SCRG1: variants seen among roughly 807,000 people sequenced by gnomAD.
The protein encoded by SCRG1 is stimulator of chondrogenesis 1, also known as scrapie-responsive protein 1.
A neutral mutation model predicts 7.7 loss-of-function variants in SCRG1; 3 were observed. The ratio of observed to expected loss-of-function variants is 0.39; its 90% CI spans 0.18 to 1.01. The LOEUF is 1.01. SCRG1 is among the 50% of genes least tolerant of loss of function. The pLI is 0.36. For synonymous variants in SCRG1, 46 were observed against 41.2 expected (o/e 1.12, Z -0.44); for missense variants, 110 against 117.2 (o/e 0.94, Z 0.28).
the SCRG1 span, among the ~76,000 whole-genome samples, chr4:173,491,464 C>T: frequency 1.6e-4 from 24 of 152,098 alleles, no homozygotes; most frequent in Admixed American, 7.2e-4. Flanking sequence ...CTGCAGAGAT[C>T]GGTACCATGT....
At chr4:173,419,542 G>A in the SCRG1 span, 175 of 730,306 alleles carry the variant, frequency 2.4e-4, no homozygotes, top group African/African-American at 2.7e-3. Flanking sequence ...TCTGGCCCAT[G>A]ATGTGCTTCC....
At chr4:173,476,359 A>ATATATATATATATAT in the SCRG1 span, among the ~76,000 whole-genome samples, 50 of 24,270 alleles carry the variant, frequency 2.1e-3, no homozygotes, top group East Asian at 0.023. Context: ...AGGGGGAAAA[A>ATATATATATATATAT]AAAAATATAT....
chr4:173,512,100 A>G, the SCRG1 span, among the ~76,000 whole-genome samples: 3 of 152,238 alleles, frequency 2.0e-5, no homozygotes, highest in Non-Finnish European at 2.9e-5. Flanking sequence ...CACATTAATT[A>G]GAGTTATGTG....
At chr4:173,483,651 ATTATATTG>A in the SCRG1 span, among the ~76,000 whole-genome samples, 11 of 26,060 alleles carry the variant, frequency 4.2e-4, no homozygotes, top group African/African-American at 1.1e-3. Flanking sequence ...TATATGATAT[ATTATATTG>A]TGATATATAA....
chr4:173,391,655 G>A (rs1739450009), intron 1 of SCRG1, among the ~76,000 whole-genome samples: 1 of 152,186 alleles, frequency 6.6e-6, no homozygotes, highest in African/African-American at 2.4e-5. Flanking sequence ...TCTGGGCCAG[G>A]CACAGTGGCT....
At chr4:173,391,541 T>C (rs1739445681) in intron 1 of SCRG1, 113 bp from the exon 2 acceptor site, 2 of 1,023,490 alleles carry the variant, frequency 2.0e-6, no homozygotes, top group Admixed American at 2.2e-5. Flanking sequence ...GAATGGGAGT[T>C]GGGCTTTTCT....
upstream of SCRG1, among the ~76,000 whole-genome samples, chr4:173,410,296 T>C (rs1320607156): frequency 1.3e-5 from 2 of 152,188 alleles, no homozygotes; most frequent in Non-Finnish European, 2.9e-5. Flanking sequence ...CAGTGGCTGA[T>C]TGTGTGAGTG....
chr4:173,459,873 T>C, the SCRG1 span, among the ~76,000 whole-genome samples: 3 of 149,078 alleles, frequency 2.0e-5, no homozygotes, highest in Non-Finnish European at 4.5e-5. Flanking sequence ...TAATTTATTG[T>C]AATAGCCAGA....
upstream of SCRG1, among the ~76,000 whole-genome samples, chr4:173,410,283 G>A (rs1287556388): frequency 6.6e-6 from 1 of 152,202 alleles, no homozygotes; most frequent in Non-Finnish European, 1.5e-5. Context: ...CATGTTTAGG[G>A]AACAGTGGCT....
the SCRG1 span, among the ~76,000 whole-genome samples, chr4:173,454,116 C>T: frequency 1.9e-4 from 28 of 148,916 alleles, no homozygotes; most frequent in Non-Finnish European, 1.0e-4. Flanking sequence ...GGAGGCTGTG[C>T]GATCTAGGAA....
the SCRG1 span, among the ~76,000 whole-genome samples, chr4:173,508,320 C>T: frequency 1.3e-5 from 2 of 152,170 alleles, no homozygotes; most frequent in African/African-American, 4.8e-5. This position sits in a 1 kb window ranked among gnomAD's most constrained non-coding sequence, Gnocchi z 4.4. Context: ...GGCGCTTCTG[C>T]AGGAGGTGGA....
At chr4:173,437,916 C>A in the SCRG1 span, among the ~76,000 whole-genome samples, 168 of 152,260 alleles carry the variant, frequency 1.1e-3, 4 homozygotes, top group African/African-American at 3.9e-3. Flanking sequence ...TCACACTGAA[C>A]TTAGCTTTCC....
chr4:173,465,113 G>T, the SCRG1 span, among the ~76,000 whole-genome samples: 3 of 152,280 alleles, frequency 2.0e-5, no homozygotes, highest in East Asian at 5.8e-4. Flanking sequence ...AAGTTATTCT[G>T]AAATGGGTAC....
At chr4:173,451,626 CTTACTTATT>C in the SCRG1 span, among the ~76,000 whole-genome samples, 7,520 of 121,430 alleles carry the variant, frequency 0.062, 330 homozygotes, top group East Asian at 0.1. Flanking sequence ...TTTTATTTTA[CTTACTTATT>C]TTATTTATTT....
upstream of SCRG1, among the ~76,000 whole-genome samples, chr4:173,402,499 C>T (rs1001656410): frequency 6.7e-6 from 1 of 148,804 alleles, no homozygotes; most frequent in Non-Finnish European, 1.5e-5. Context: ...AGAAAAACAC[C>T]AAAAAACAGC....
chr4:173,447,552 T>C, the SCRG1 span, among the ~76,000 whole-genome samples: 1 of 152,242 alleles, frequency 6.6e-6, no homozygotes. Context: ...TGATTAGTTT[T>C]CAGATATCAC....
At chr4:173,420,287 A>G in the SCRG1 span, 1 of 246,326 alleles carries the variant, frequency 4.1e-6, no homozygotes, top group Non-Finnish European at 8.1e-6. Context: ...CTTCTAAAAT[A>G]CTCTACAATG....
chr4:173,500,951 C>A, the SCRG1 span, among the ~76,000 whole-genome samples: 30 of 152,386 alleles, frequency 2.0e-4, no homozygotes, highest in African/African-American at 6.7e-4. Flanking sequence ...CTCCAGGGAA[C>A]TGCGCTCTCC....
chr4:173,495,044 C>A, the SCRG1 span, among the ~76,000 whole-genome samples: 3 of 152,172 alleles, frequency 2.0e-5, no homozygotes, highest in Non-Finnish European at 2.9e-5. Flanking sequence ...AGCCCCGGAG[C>A]CCCCGTTTAT....
Sources: allele counts gnomAD v4.1 joint callset (sites outside exome capture counted in the v4.1 genomes callset), GRCh38; gene constraint gnomAD v4.1.1; non-coding constraint Gnocchi (gnomAD v3.1); transcripts MANE v1.5; gene names NCBI Gene and HGNC (gene_info 2026-07-23, HGNC 2026-07-21).